TBC1D30: variants seen among roughly 807,000 people sequenced by gnomAD.
TBC1D30 encodes the protein TBC1 domain family member 30.
Under a neutral mutation model 63.2 loss-of-function variants are expected in TBC1D30, and 31 were observed. The ratio of observed to expected loss-of-function variants is 0.49; its 90% confidence interval spans 0.37 to 0.66. The LOEUF (loss-of-function observed/expected upper bound fraction) is 0.66. Among genes scored for constraint, TBC1D30 ranks in the 30% least tolerant of loss-of-function variants. The probability of loss-of-function intolerance (pLI) is 0.00; values close to 1 mark genes in which losing one functional copy is unlikely to be tolerated. For missense variants in TBC1D30, 810 were observed against 953.6 expected (o/e 0.85, Z 1.98); for synonymous variants, 307 against 361.5 (o/e 0.85, Z 1.71).
intron 2 of TBC1D30, among the ~76,000 whole-genome samples, chr12:64,800,005 C>CCGA (rs1872512260): frequency 6.6e-6 from 1 of 152,118 alleles, no homozygotes; most frequent in African/African-American, 2.4e-5. Flanking sequence ...ACTTGGGAGG[C>CCGA]TGAGGCAGGA....
At chr12:64,793,592 C>A (rs1257208224) in intron 2 of TBC1D30, among the ~76,000 whole-genome samples, 4 of 152,154 alleles carry the variant, frequency 2.6e-5, no homozygotes, top group African/African-American at 7.2e-5. Flanking sequence ...ACCTGGGAGG[C>A]GGAGGTTGCA....
At chr12:64,841,632 A>C (rs774046457) in intron 7 of TBC1D30, among the ~76,000 whole-genome samples, 1 of 151,982 alleles carries the variant, frequency 6.6e-6, no homozygotes, top group East Asian at 1.9e-4. Context: ...TCCTGCAACC[A>C]CTACCCCAGT....
Position 64,766,748 on chromosome 12 carries a change from T to C in TBC1D30, c.-376+7099T>C, listed in dbSNP as rs1465023867. On this transcript the variant is annotated intron_variant, in intron 1 of 13. Transcript: ENST00000674237. ...CCCAACAAGAGCAGAATCTATACTC[T>C]TCTCAAGTGCCTGTGGAATATTCTC... Among the ~76,000 whole-genome samples the C allele has an allele frequency of 3.3e-5, 5 of 152,186 alleles. No homozygotes were observed. The East Asian group carries it at 7.7e-4, about 23-fold the overall frequency.
chr12:64,827,797 C>T (rs1042009751), intron 1 of TBC1D30, 38 bp from the exon 2 acceptor site: 1 of 1,369,128 alleles, frequency 7.3e-7, no homozygotes, highest in Non-Finnish European at 1.0e-6. Context: ...TTGTTATAGT[C>T]TCCAAAAATA....
At chr12:64,789,023 TA>T in intron 2 of TBC1D30, among the ~76,000 whole-genome samples, 1 of 152,074 alleles carries the variant, frequency 6.6e-6, no homozygotes, top group Admixed American at 6.6e-5. Flanking sequence ...TGAGATTTTT[TA>T]AAAAAACTGA....
intron 2 of TBC1D30, among the ~76,000 whole-genome samples, chr12:64,794,943 T>C (rs1872161949): frequency 1.3e-5 from 2 of 152,212 alleles, no homozygotes; most frequent in Non-Finnish European, 2.9e-5. Context: ...TGATAGAGAC[T>C]AAAACAGACA....
At chr12:64,864,216 A>G (rs2136458263) in intron 8 of TBC1D30, among the ~76,000 whole-genome samples, 1 of 152,330 alleles carries the variant, frequency 6.6e-6, no homozygotes, top group Non-Finnish European at 1.5e-5. Flanking sequence ...CGATCACAAG[A>G]TCATCCACTA....
chr12:64,808,783 C>T (rs1873034195), intron 2 of TBC1D30, among the ~76,000 whole-genome samples: 2 of 152,052 alleles, frequency 1.3e-5, no homozygotes, highest in Admixed American at 1.3e-4. Flanking sequence ...AGTATTTGTC[C>T]TCTTGTGATG....
intron 2 of TBC1D30, among the ~76,000 whole-genome samples, chr12:64,813,298 G>C (rs1873325643): frequency 6.6e-6 from 1 of 152,106 alleles, no homozygotes; most frequent in Admixed American, 6.5e-5. Context: ...GGTGAGGCAG[G>C]AGAACTGCTT....
upstream of TBC1D30, among the ~76,000 whole-genome samples, chr12:64,775,606 A>G (rs1158045165): frequency 4.6e-5 from 7 of 152,236 alleles, no homozygotes; most frequent in Non-Finnish European, 1.5e-5. Context: ...TGCACCCAAC[A>G]TAGGAATACC....
intron 2 of TBC1D30, among the ~76,000 whole-genome samples, chr12:64,805,152 G>A (rs1872790071): frequency 6.6e-6 from 1 of 152,174 alleles, no homozygotes; most frequent in Admixed American, 6.6e-5. Flanking sequence ...AGTAAGCTGA[G>A]ATCATGCCAT....
chr12:64,828,367 T>C, intron 2 of TBC1D30, 77 bp from the exon 3 acceptor site: 1 of 1,077,400 alleles, frequency 9.3e-7, no homozygotes. Context: ...TCTATGAATG[T>C]CAAGATGGGA....
At chr12:64,788,074 A>T (rs1305389694) in intron 2 of TBC1D30, among the ~76,000 whole-genome samples, 1 of 152,038 alleles carries the variant, frequency 6.6e-6, no homozygotes, top group African/African-American at 2.4e-5. Context: ...TTATCATAAT[A>T]ATATCACTGT....
intron 1 of TBC1D30, 43 bp from the exon 2 acceptor site, chr12:64,827,792 A>G (rs767317778): frequency 1.5e-6 from 2 of 1,331,840 alleles, no homozygotes; most frequent in South Asian, 2.6e-5. Flanking sequence ...ATAACTTGTT[A>G]TAGTCTCCAA....
intron 1 of TBC1D30, among the ~76,000 whole-genome samples, chr12:64,781,694 T>C (rs1269935266): frequency 2.0e-5 from 3 of 150,848 alleles, no homozygotes; most frequent in Admixed American, 6.6e-5. Context: ...TTCTTTCCTT[T>C]TTTTTTTTTT....
chr12:64,783,037 C>A (rs999683241), intron 1 of TBC1D30, among the ~76,000 whole-genome samples: 2 of 152,114 alleles, frequency 1.3e-5, no homozygotes, highest in Non-Finnish European at 2.9e-5. Flanking sequence ...TGATCTTTTT[C>A]TCAGGCTCAA....
At chr12:64,761,129 A>G (rs764558871) in intron 1 of TBC1D30, among the ~76,000 whole-genome samples, 3 of 152,226 alleles carry the variant, frequency 2.0e-5, no homozygotes, top group African/African-American at 4.8e-5. Flanking sequence ...GCCTAGGCCA[A>G]TTTTTCAAGC....
Position 64,875,796 on chromosome 12 carries a change from C to T in TBC1D30, c.*8C>T. 2 of 1,522,918 alleles carry T rather than the reference C, an allele frequency of 1.3e-6. No homozygotes were observed. Among genetic ancestry groups the T allele is most frequent in the Non-Finnish European group, 1.8e-6 (2 of 1,140,708 alleles). The allele number at this position is 1,522,918 out of a possible 1,614,324, so 94.3% of individuals were successfully genotyped here. A position where few individuals can be genotyped will look rare whatever the true frequency, so the allele number is the denominator to read the frequency against. On this transcript the variant is annotated 3_prime_UTR_variant, in exon 12 of 12. Coordinates refer to ENST00000539867, the MANE Select transcript of TBC1D30 (RefSeq NM_015279.2). The stretch of plus-strand genomic sequence containing the variant: ...GGCACTAAAAAACGATGATGTCTCC[C>T]CGAAACTTTGTATCTGGACTCACCT...
intron 2 of TBC1D30, among the ~76,000 whole-genome samples, chr12:64,788,192 GGT>G (rs61697442): frequency 0.047 from 6,847 of 144,402 alleles, 435 homozygotes; most frequent in African/African-American, 0.15. Flanking sequence ...GGTGTGTAGG[GGT>G]GTGTGTGTGT....
Sources: gnomAD v4.1 joint callset for allele counts (sites outside exome capture counted in the v4.1 genomes callset) on GRCh38, gnomAD v4.1.1 for gene constraint, MANE v1.5 for transcripts, NCBI Gene and HGNC (gene_info 2026-07-23, HGNC 2026-07-21) for gene names.